The following RAD51B variants were observed in gnomAD, a reference collection of about 807,000 sequenced individuals.
The protein encoded by RAD51B is RAD51 paralog B.
In RAD51B, 38 loss-of-function variants were observed where a neutral mutation model predicts 42.2. The observed-to-expected ratio is 0.90, with a 90% confidence interval of 0.70 to 1.18. The LOEUF (loss-of-function observed/expected upper bound fraction) is 1.18, where lower values mean the gene tolerates loss of function less well. Ranked by LOEUF, RAD51B falls within the 50% of genes most tolerant of loss-of-function variation. RAD51B has a pLI of 0.00. For missense variants in RAD51B, 373 were observed against 400.7 expected (o/e 0.93, Z 0.59); for synonymous variants, 154 against 145.2 (o/e 1.06, Z -0.43).
At chr14:68,518,486 C>G (rs1886320109) in intron 10 of RAD51B, among the ~76,000 whole-genome samples, 1 of 152,070 alleles carries the variant, frequency 6.6e-6, no homozygotes. Context: ...CCAGAACCTT[C>G]AAACATGGGG....
chr14:68,299,418 C>G (rs1268432768), intron 8 of RAD51B, among the ~76,000 whole-genome samples: 1 of 151,960 alleles, frequency 6.6e-6, no homozygotes, highest in Non-Finnish European at 1.5e-5. Context: ...GTCATTATTC[C>G]CTAAACAGTA....
At chr14:68,561,501 C>G (rs1261887890) in intron 10 of RAD51B, among the ~76,000 whole-genome samples, 3 of 152,122 alleles carry the variant, frequency 2.0e-5, no homozygotes, top group Non-Finnish European at 4.4e-5. Context: ...GGCGAGGTGA[C>G]TAGGAAGAAG....
intron 10 of RAD51B, among the ~76,000 whole-genome samples, chr14:68,583,658 CAT>C (rs983234458): frequency 3.9e-5 from 6 of 152,298 alleles, no homozygotes; most frequent in African/African-American, 1.2e-4. Flanking sequence ...CTTGAGCACA[CAT>C]GTGTGGGCAC....
chr14:67,940,506 G>T (rs1279508438), intron 7 of RAD51B, among the ~76,000 whole-genome samples: 1 of 151,584 alleles, frequency 6.6e-6, no homozygotes, highest in African/African-American at 2.4e-5. Context: ...TACTTTTTTT[G>T]GAAACACAAT....
At chr14:68,349,108 A>G (rs2082731576) in intron 8 of RAD51B, among the ~76,000 whole-genome samples, 1 of 152,230 alleles carries the variant, frequency 6.6e-6, no homozygotes, top group African/African-American at 2.4e-5. Context: ...TGAAATTTAT[A>G]TAATTTCTAC....
At chr14:67,921,716 T>G (rs1036731289) in intron 7 of RAD51B, among the ~76,000 whole-genome samples, 46 of 151,918 alleles carry the variant, frequency 3.0e-4, no homozygotes, top group African/African-American at 1.1e-3. Flanking sequence ...CATTGATGAC[T>G]GAAAAAACAA....
intron 10 of RAD51B, among the ~76,000 whole-genome samples, chr14:68,491,660 G>A (rs372559728): frequency 5.9e-5 from 9 of 152,298 alleles, no homozygotes; most frequent in African/African-American, 2.2e-4. Context: ...CCACCTTCCA[G>A]CTCTGGGCCC....
intron 7 of RAD51B, among the ~76,000 whole-genome samples, chr14:67,920,364 A>C (rs561614352): frequency 5.0e-4 from 76 of 152,152 alleles, no homozygotes; most frequent in Non-Finnish European, 1.0e-3. Flanking sequence ...CTGTTTAAAG[A>C]ATGTTGCCTA....
At chr14:68,011,401 A>C (rs966717514) in intron 7 of RAD51B, among the ~76,000 whole-genome samples, 2 of 152,068 alleles carry the variant, frequency 1.3e-5, no homozygotes, top group African/African-American at 2.4e-5. Context: ...CAGGCTCCCC[A>C]AAATTTTTCC....
intron 7 of RAD51B, among the ~76,000 whole-genome samples, chr14:68,262,443 A>G (rs1210737896): frequency 6.6e-6 from 1 of 152,162 alleles, no homozygotes; most frequent in African/African-American, 2.4e-5. Context: ...GATGCAGAAA[A>G]TGTTCTGATT....
intron 4 of RAD51B, among the ~76,000 whole-genome samples, chr14:67,855,178 A>G (rs113642053): frequency 0.4 from 59,630 of 148,368 alleles, 12,829 homozygotes; most frequent in African/African-American, 0.58. Flanking sequence ...GATTACAGGC[A>G]TGAACCACCG....
intron 7 of RAD51B, among the ~76,000 whole-genome samples, chr14:68,035,159 A>AT (rs1018689928): frequency 3.3e-5 from 5 of 152,012 alleles, no homozygotes; most frequent in Admixed American, 6.6e-5. Flanking sequence ...ATACTCATGG[A>AT]TTTTATTGTT....
At position 67,896,881 on chromosome 14, in the gene RAD51B, C is replaced by T. The variant is rs377509282; in HGVS notation, c.756+9677C>T. On this transcript the variant is annotated intron_variant, in intron 7 of 10. Coordinates refer to ENST00000471583, the MANE Select transcript of RAD51B (RefSeq NM_133510.4). ...TTTCAAATAATAAAACAGTATGATA[C>T]TAGCATAAAACAGATATATAGACCA... is the stretch of plus-strand genomic sequence containing the variant. Among the ~76,000 whole-genome samples the T allele has an allele frequency of 7.2e-5, 11 of 152,184 alleles. No individual in the cohort carries two copies. In the South Asian group the frequency reaches 2.3e-3, roughly 32 times the overall value.
At chr14:68,378,535 T>C (rs749937680) in intron 8 of RAD51B, among the ~76,000 whole-genome samples, 7 of 152,224 alleles carry the variant, frequency 4.6e-5, no homozygotes, top group Non-Finnish European at 7.3e-5. Flanking sequence ...AATCACATAA[T>C]GTTTGCATAT....
intron 8 of RAD51B, among the ~76,000 whole-genome samples, chr14:68,360,412 C>G (rs1373162576): frequency 6.6e-6 from 1 of 152,260 alleles, no homozygotes; most frequent in Admixed American, 6.5e-5. Flanking sequence ...CTTTCATTGG[C>G]TGACATCCAT....
chr14:68,539,361 C>T (rs1887826546), intron 10 of RAD51B, among the ~76,000 whole-genome samples: 1 of 152,170 alleles, frequency 6.6e-6, no homozygotes, highest in Non-Finnish European at 1.5e-5. Flanking sequence ...CCCTTCTGCC[C>T]CAGAAAAGCC....
chr14:68,161,963 T>C (rs2588819), intron 7 of RAD51B, among the ~76,000 whole-genome samples: 132,454 of 152,256 alleles, frequency 0.87, 57,844 homozygotes, highest in East Asian at 0.98. Flanking sequence ...GGTGCTACTG[T>C]ATAGAGGCTA....
chr14:68,354,381 T>A (rs1004814453), intron 8 of RAD51B, among the ~76,000 whole-genome samples: 1 of 152,142 alleles, frequency 6.6e-6, no homozygotes, highest in Non-Finnish European at 1.5e-5. Flanking sequence ...CACGCCCAGC[T>A]AATTTTTACT....
intron 10 of RAD51B, among the ~76,000 whole-genome samples, chr14:68,648,112 C>CAT (rs761140249): frequency 7.6e-5 from 3 of 39,524 alleles, no homozygotes; most frequent in African/African-American, 3.5e-4. Context: ...TATACACACA[C>CAT]GTATATATAT....
Sources: allele counts gnomAD v4.1 joint callset (sites outside exome capture counted in the v4.1 genomes callset), GRCh38; gene constraint gnomAD v4.1.1; transcripts MANE v1.5; gene names NCBI Gene and HGNC (gene_info 2026-07-23, HGNC 2026-07-21).